MKNK1: variants seen among roughly 807,000 people sequenced by gnomAD.
MKNK1 encodes the protein MAPK interacting serine/threonine kinase 1, also known as MAP kinase-interacting serine/threonine-protein kinase 1.
A neutral mutation model predicts 49.3 loss-of-function variants in MKNK1; 30 were observed. The ratio of observed to expected loss-of-function variants is 0.61; its 90% CI spans 0.46 to 0.83. MKNK1 has a LOEUF of 0.83. MKNK1 is among the 40% of genes least tolerant of loss of function. The pLI, the probability that MKNK1 is intolerant of heterozygous loss-of-function variation, is 0.00. For synonymous variants in MKNK1, 176 were observed against 201.7 expected, an observed-to-expected ratio of 0.87 and a Z score of 1.08; for missense variants, 423 against 524.7, an observed-to-expected ratio of 0.81 and a Z score of 1.89.
intron 8 of MKNK1, 75 bp downstream of exon 8, chr1:46,568,368 A>ACAAT: frequency 6.9e-7 from 1 of 1,445,882 alleles, no homozygotes; most frequent in Non-Finnish European, 9.7e-7. Flanking sequence ...GGAACTGCTA[A>ACAAT]CAATCCATCC....
In MKNK1 at chr1:46,572,180, G is replaced by A. The variant is rs1670273204; in HGVS notation, c.353-13C>T. On this transcript the variant is annotated splice_polypyrimidine_tract_variant and intron_variant, in intron 6 of 12. Coordinates refer to ENST00000371945, the MANE Select transcript of MKNK1 (RefSeq NM_001135553.4). ...GCTAAGATGGAACCTGGGGAGCAGA[G>A]GGGACATAGAAGAATGCCTTTTTGG... 1 of 1,611,894 alleles carries A rather than the reference G, an allele frequency of 6.2e-7. No individual in the cohort carries two copies. The highest frequency in any genetic ancestry group is 1.7e-4 in the Middle Eastern group (1 of 6,054).
In MKNK1 at chr1:46,596,904, G is replaced by A. The variant is rs148906043; in HGVS notation, c.-170-2624C>T. Among the ~76,000 whole-genome samples, 393 of 152,310 alleles carry A rather than the reference G, an allele frequency of 2.6e-3. 4 individuals carry two copies. Among genetic ancestry groups the A allele is most frequent in the South Asian group, 8.9e-3 (43 of 4,822 alleles). On this transcript the variant is annotated intron_variant, in intron 1 of 12. Transcript: ENST00000371945. ...TACAAAGGCAGAGAGAGAATGTGGA[G>A]GTTTTCAGATACATGTCACAGGATT...
intron 7 of MKNK1, among the ~76,000 whole-genome samples, chr1:46,570,421 C>T (rs537663533): frequency 6.6e-6 from 1 of 152,238 alleles, no homozygotes; most frequent in Non-Finnish European, 1.5e-5. Context: ...ACAGACACCC[C>T]CTTCTAGTTT....
At chr1:46,572,614 A>T (rs1379434709) in intron 6 of MKNK1, among the ~76,000 whole-genome samples, 1 of 152,138 alleles carries the variant, frequency 6.6e-6, no homozygotes, top group Non-Finnish European at 1.5e-5. Context: ...GTCCAGCTCC[A>T]AGTGTGGGGC....
intron 3 of MKNK1, chr1:46,582,881 C>A (rs1259888435): frequency 2.0e-6 from 1 of 495,076 alleles, no homozygotes; most frequent in South Asian, 1.5e-5. Flanking sequence ...ATAGTTCTAT[C>A]TCTCAGCAGC....
At chr1:46,588,461 T>C (rs1672881911) in intron 2 of MKNK1, among the ~76,000 whole-genome samples, 1 of 152,246 alleles carries the variant, frequency 6.6e-6, no homozygotes, top group South Asian at 2.1e-4. Flanking sequence ...GCCATGAAGA[T>C]ACTAATTTCG....
chr1:46,565,241 A>T, intron 8 of MKNK1, 105 bp from the exon 9 acceptor site: 1 of 1,040,562 alleles, frequency 9.6e-7, no homozygotes, highest in Non-Finnish European at 1.5e-6. Context: ...GTCACACCGC[A>T]GCTGGTTTTG....
At position 46,572,162 on chromosome 1, in the gene MKNK1, T is replaced by G. The variant is rs1179606915; in HGVS notation, c.358A>C (p.Ile120Leu). 10 of 1,613,816 alleles carry G rather than the reference T, an allele frequency of 6.2e-6. No homozygotes were observed. The highest frequency in any genetic ancestry group is 8.5e-6 in the Non-Finnish European group (10 of 1,179,888). ...TTTTGCTTCTGGATGTGGGCTAAGA[T>G]GGAACCTGGGGAGCAGAGGGGACAT... Reference protein sequence around the residue: ...LVFEKLQGGSILAHIQKQKHF... With the variant: ...LVFEKLQGGSLLAHIQKQKHF... The change falls in exon 7 of 13, where the codon ATC becomes CTC. Residue 120 changes from isoleucine (I) to leucine (L), a missense_variant. Physicochemically the swap from Ile to Leu is conservative, Grantham distance 5 (BLOSUM62 2). Coordinates refer to ENST00000371945, the MANE Select transcript of MKNK1 (RefSeq NM_001135553.4).
At chr1:46,591,886 G>A (rs955775295) in intron 2 of MKNK1, among the ~76,000 whole-genome samples, 2 of 152,152 alleles carry the variant, frequency 1.3e-5, no homozygotes, top group African/African-American at 4.8e-5. Flanking sequence ...ACTCAGGGTT[G>A]GAATTCAATA....
intron 6 of MKNK1, chr1:46,573,590 T>G (rs893714262): frequency 6.6e-6 from 1 of 152,188 alleles, no homozygotes; most frequent in African/African-American, 2.4e-5. Context: ...GATTGTTCGC[T>G]TGCCAGATTA....
intron 1 of MKNK1, among the ~76,000 whole-genome samples, chr1:46,596,716 T>C (rs1052392431): frequency 2.0e-5 from 3 of 152,180 alleles, no homozygotes; most frequent in East Asian, 1.9e-4. Flanking sequence ...AGCTAATGTA[T>C]ATAGAGCTCG....
intron 2 of MKNK1, among the ~76,000 whole-genome samples, chr1:46,587,322 A>C (rs556636773): frequency 6.6e-6 from 1 of 152,302 alleles, no homozygotes; most frequent in African/African-American, 2.4e-5. Context: ...TGGAGGTGGA[A>C]GTGGAACTGA....
At chr1:46,563,720 A>G (rs1483770372) in intron 9 of MKNK1, 1 of 152,256 alleles carries the variant, frequency 6.6e-6, no homozygotes, top group Non-Finnish European at 1.5e-5. Flanking sequence ...ACACAGGCAT[A>G]TTAAATATGC....
chr1:46,577,505 T>C (rs1388958488), intron 4 of MKNK1, among the ~76,000 whole-genome samples: 3 of 151,798 alleles, frequency 2.0e-5, no homozygotes, highest in Admixed American at 6.6e-5. Context: ...AATAAATAAA[T>C]AAACAATAAT....
At chr1:46,566,306 T>A (rs1669054915) in intron 8 of MKNK1, among the ~76,000 whole-genome samples, 1 of 152,260 alleles carries the variant, frequency 6.6e-6, no homozygotes, top group Admixed American at 6.5e-5. Flanking sequence ...CAAGGTTCAT[T>A]CATGTTGCAG....
intron 1 of MKNK1, among the ~76,000 whole-genome samples, chr1:46,595,735 A>G (rs1673979877): frequency 6.6e-6 from 1 of 151,980 alleles, no homozygotes; most frequent in African/African-American, 2.4e-5. Context: ...CACTTCTACT[A>G]CCACACTTCC....
At chr1:46,566,961 C>A (rs144930104) in intron 8 of MKNK1, among the ~76,000 whole-genome samples, 1 of 152,108 alleles carries the variant, frequency 6.6e-6, no homozygotes, top group Admixed American at 6.6e-5. Context: ...TAGATAATGT[C>A]CTTTGAAACT....
In MKNK1 at chr1:46,561,600, G is replaced by A; in HGVS notation, c.847C>T (p.Pro283Ser). The change falls in exon 11 of 13, where the codon CCT (proline) becomes TCT (serine). Residue 283 changes from proline to serine, a missense_variant. By Grantham distance (74) the Pro-to-Ser change is moderately conservative. Transcript: ENST00000371945. ...GAGATGTGTGCCCAGTCCTTGTCAG[G>A]AAACTCATACTTGCCTTCCTGGATG... Reference protein sequence around the residue: ...ESIQEGKYEFPDKDWAHISSE... With the variant: ...ESIQEGKYEFSDKDWAHISSE... The A allele has an allele frequency of 6.2e-7, 1 of 1,614,178 alleles. No individual in the cohort carries two copies. Among genetic ancestry groups the A allele is most frequent in the Non-Finnish European group, 8.5e-7 (1 of 1,180,014 alleles).
chr1:46,582,878 T>C (rs979570012), intron 3 of MKNK1: 8 of 492,408 alleles, frequency 1.6e-5, no homozygotes, highest in Non-Finnish European at 3.2e-5. Context: ...TATATAGTTC[T>C]ATCTCTCAGC....
Sources: allele counts gnomAD v4.1 joint callset (sites outside exome capture counted in the v4.1 genomes callset), GRCh38; gene constraint gnomAD v4.1.1; transcripts MANE v1.5; gene names NCBI Gene and HGNC (gene_info 2026-07-23, HGNC 2026-07-21).